Variants in MID2 observed in about 807,000 individuals in gnomAD.
MID2 encodes midline 2.
Under a neutral mutation model 46.1 loss-of-function variants are expected in MID2, and 13 were observed. The observed-to-expected ratio is 0.28, with a 90% CI of 0.18 to 0.45. The LOEUF is 0.45. MID2 is among the 20% of genes least tolerant of loss of function. MID2 has a pLI of 1.00. For synonymous variants in MID2, 199 were observed against 212.3 expected, an observed-to-expected ratio of 0.94 and a Z score of 0.55; for missense variants, 431 against 575.4, an observed-to-expected ratio of 0.75 and a Z score of 2.57.
intron 1 of MID2, among the ~76,000 whole-genome samples, chrX:107,839,114 T>TA (rs765546882): frequency 1.4e-3 from 145 of 105,261 alleles, no homozygotes; most frequent in Admixed American, 2.1e-3. Flanking sequence ...GACACCTTGT[T>TA]AAAAAAAAAA....
At chrX:107,922,332 A>ATTTGTTTG (rs1933087740) in intron 7 of MID2, among the ~76,000 whole-genome samples, 1 of 112,021 alleles carries the variant, frequency 8.9e-6, no homozygotes, top group Admixed American at 9.4e-5. Flanking sequence ...ATACTTCAGG[A>ATTTGTTTG]TTTGTTTGAG....
chrX:107,886,731 G>A (rs776335463), intron 3 of MID2, among the ~76,000 whole-genome samples: 16 of 111,423 alleles, frequency 1.4e-4, no homozygotes, highest in African/African-American at 4.2e-4. Context: ...CCATTTTCAC[G>A]ATATTGATTC....
chrX:107,916,161 A>G, intron 6 of MID2, 32 bp downstream of exon 6: 7 of 1,068,094 alleles, frequency 6.6e-6, no homozygotes, highest in Non-Finnish European at 8.6e-6. Context: ...CTTTCCATTT[A>G]ATTTTTTTTC....
At chrX:107,897,563 C>A (rs1190119868) in intron 3 of MID2, among the ~76,000 whole-genome samples, 3 of 111,714 alleles carry the variant, frequency 2.7e-5, no homozygotes, top group Non-Finnish European at 5.6e-5. Flanking sequence ...CAGTGTTTAC[C>A]TTTAGAAAAC....
chrX:107,930,262 C>T lies in MID2; in HGVS notation c.*3189C>T, dbSNP rs1255621877. 8.9e-6 allele frequency among the ~76,000 whole-genome samples: 1 copy of T among 111,818 alleles called. No homozygotes were observed. Among genetic ancestry groups the T allele is most frequent in the African/African-American group, 3.2e-5 (1 of 30,814 alleles). ...GTTTGTTACTTCCTGGGCAGAAAAG[C>T]TTGGTTACTACTCCATTTGAGCTGT... On this transcript the variant is annotated 3_prime_UTR_variant, in exon 10 of 10. Transcript: ENST00000262843.
chrX:107,865,487 A>C (rs1473964642), intron 3 of MID2, among the ~76,000 whole-genome samples: 1 of 112,056 alleles, frequency 8.9e-6, no homozygotes, highest in Non-Finnish European at 1.9e-5. Flanking sequence ...TGTGGAAAAA[A>C]GGATATATGC....
chrX:107,852,467 C>G (rs1409514748), intron 2 of MID2, among the ~76,000 whole-genome samples: 1 of 111,643 alleles, frequency 9.0e-6, no homozygotes, highest in East Asian at 2.8e-4. Context: ...CTTCTTCCTT[C>G]CCCTTTTCTT....
chrX:107,856,836 G>A (rs763869172), intron 3 of MID2, among the ~76,000 whole-genome samples: 13 of 112,388 alleles, frequency 1.2e-4, no homozygotes, highest in Non-Finnish European at 2.1e-4. Flanking sequence ...GGAAAGAGTA[G>A]CCCATACAGT....
chrX:107,862,383 A>T (rs1194362935), intron 3 of MID2, among the ~76,000 whole-genome samples: 1 of 111,698 alleles, frequency 9.0e-6, no homozygotes, highest in Non-Finnish European at 1.9e-5. Context: ...TACATATATC[A>T]ACTAAAACTT....
rs1393665429 is a variant in MID2, at chrX:107,845,521, A to ACT, written c.720+4137_720+4138insTC. On this transcript the variant is annotated intron_variant, in intron 2 of 9. Coordinates refer to ENST00000262843, the MANE Select transcript of MID2 (RefSeq NM_012216.4). Reference sequence around the variant, plus strand: ...CACACACACACACACACACACACACACACACTCTCTCTCTCTCTCTCTCTC... The same window carrying ACT: ...CACACACACACACACACACACACACACTCACACTCTCTCTCTCTCTCTCTCTC... 3.1e-3 allele frequency among the ~76,000 whole-genome samples: 266 copies of ACT among 85,606 alleles called. 1 individual carries two copies. The highest frequency in any genetic ancestry group is 4.0e-3 in the Non-Finnish European group (196 of 49,494). The allele number at this position is 85,606 out of a possible 115,157, so 74.3% of individuals were successfully genotyped here. A position where few individuals can be genotyped will look rare whatever the true frequency, so the allele number is the denominator to read the frequency against.
chrX:107,924,558 G>A (rs1433504978), intron 8 of MID2, 54 bp downstream of exon 8: 6 of 1,149,638 alleles, frequency 5.2e-6, no homozygotes, highest in Admixed American at 2.2e-5. Context: ...CATGCCAGGG[G>A]AGTACACAGC....
chrX:107,849,635 A>G (rs1030503307), intron 2 of MID2, among the ~76,000 whole-genome samples: 3 of 112,155 alleles, frequency 2.7e-5, no homozygotes, highest in Non-Finnish European at 5.6e-5. Flanking sequence ...CCTAATCTAT[A>G]CAACACAATA....
At chrX:107,844,651 CCCA>C (rs1931421145) in intron 2 of MID2, among the ~76,000 whole-genome samples, 3 of 110,879 alleles carry the variant, frequency 2.7e-5, no homozygotes, top group African/African-American at 9.8e-5. Flanking sequence ...TATTATAAGT[CCCA>C]TACAACTTTT....
rs766443178 is a variant in MID2, at chrX:107,926,071, T to C, written c.1598-23T>C. 17 of 1,126,572 alleles carry C rather than the reference T, an allele frequency of 1.5e-5. No individual in the cohort carries two copies. In the South Asian group the frequency reaches 3.3e-4, roughly 22 times the overall value. The allele number at this position is 1,126,572 out of a possible 1,213,427, so 92.8% of individuals were successfully genotyped here. A position where few individuals can be genotyped will look rare whatever the true frequency, so the allele number is the denominator to read the frequency against. On this transcript the variant is annotated intron_variant, in intron 8 of 9. Coordinates refer to ENST00000262843, the MANE Select transcript of MID2 (RefSeq NM_012216.4). ...GATACTTCATAGTGCTTTTTCTTTT[T>C]TTTTTTTCTACTTATTTTTCAGGCC...
intron 2 of MID2, among the ~76,000 whole-genome samples, chrX:107,849,314 A>G (rs1378744649): frequency 2.7e-5 from 3 of 111,743 alleles, no homozygotes; most frequent in Non-Finnish European, 5.6e-5. Flanking sequence ...GTGCGAATAC[A>G]TATGCCTTCA....
intron 9 of MID2, 126 bp downstream of exon 9, chrX:107,926,427 C>A: frequency 1.4e-6 from 1 of 701,863 alleles, no homozygotes; most frequent in Non-Finnish European, 2.1e-6. Context: ...AAAACCACTC[C>A]TAGAAAAATT....
chrX:107,905,945 C>T (rs759802895), intron 5 of MID2, among the ~76,000 whole-genome samples: 11 of 111,754 alleles, frequency 9.8e-5, no homozygotes, highest in African/African-American at 1.6e-4. Context: ...TTGATAGGTG[C>T]GTGCTCTTCT....
At chrX:107,869,403 C>G (rs1475464518) in intron 3 of MID2, among the ~76,000 whole-genome samples, 1 of 111,247 alleles carries the variant, frequency 9.0e-6, no homozygotes, top group Non-Finnish European at 1.9e-5. Flanking sequence ...TCTGATATTT[C>G]CTTACTATTC....
intron 3 of MID2, among the ~76,000 whole-genome samples, chrX:107,872,969 G>T (rs757892184): frequency 4.5e-5 from 5 of 111,009 alleles, no homozygotes; most frequent in African/African-American, 6.5e-5. Context: ...AGTCTCCTAA[G>T]ACAGCTTCCT....
Sources: allele counts gnomAD v4.1 joint callset (sites outside exome capture counted in the v4.1 genomes callset), GRCh38; gene constraint gnomAD v4.1.1; transcripts MANE v1.5; gene names NCBI Gene and HGNC (gene_info 2026-07-23, HGNC 2026-07-21).